The following ZNF705G variants were observed in gnomAD, a reference collection of about 807,000 sequenced individuals.
ZNF705G encodes putative zinc finger protein 705G.
ZNF705G carries 23 observed loss-of-function variants against 19.6 expected under a neutral mutation model. The observed-to-expected ratio is 1.17, with a 90% CI of 0.84 to 1.66. ZNF705G has a LOEUF of 1.66. Among genes scored for constraint, ZNF705G ranks in the 40% most tolerant of loss-of-function variants. The pLI is 0.00. For synonymous variants in ZNF705G, 146 were observed against 117.7 expected, an observed-to-expected ratio of 1.24 and a Z score of -1.56; for missense variants, 457 against 354.4, an observed-to-expected ratio of 1.29 and a Z score of -2.32.
At chr8:7,366,075 G>T (rs1261853392) in intron 2 of ZNF705G, among the ~76,000 whole-genome samples, 3 of 149,410 alleles carry the variant, frequency 2.0e-5, no homozygotes, top group Admixed American at 2.0e-4. Context: ...GAAAAGCAAA[G>T]ATCACCACAG....
chr8:7,371,485 AAAT>A (rs1288912811), intron 2 of ZNF705G, among the ~76,000 whole-genome samples: 3 of 112,154 alleles, frequency 2.7e-5, no homozygotes, highest in African/African-American at 1.0e-4. Context: ...CTTACCAAAA[AAAT>A]AATAATAATA....
Position 7,357,564 on chromosome 8 carries a change from T to C in ZNF705G, c.*412A>G. ...TTAAGTTATAGCTGTTGCTGAAGAC[T>C]TTTAGTTGATTATATTGACAGTTTC... On this transcript the variant is annotated 3_prime_UTR_variant, in exon 7 of 7. Coordinates refer to ENST00000400156, the MANE Select transcript of ZNF705G (RefSeq NM_001164457.3). 7.7e-6 allele frequency: 2 copies of C among 259,970 alleles called. No homozygotes were observed. The highest frequency in any genetic ancestry group is 1.4e-5 in the Non-Finnish European group (2 of 141,734). The allele number at this position is 259,970 out of a possible 1,614,324, so 16.1% of individuals were successfully genotyped here. A position where few individuals can be genotyped will look rare whatever the true frequency, so the allele number is the denominator to read the frequency against.
chr8:7,379,702 G>A (rs2128847228), intron 2 of ZNF705G, among the ~76,000 whole-genome samples: 1 of 147,392 alleles, frequency 6.8e-6, no homozygotes, highest in South Asian at 2.1e-4. Flanking sequence ...TATTCCCACT[G>A]TGGACACTGC....
chr8:7,383,124 G>GTTT (rs1807574182), intron 1 of ZNF705G, among the ~76,000 whole-genome samples: 3 of 101,362 alleles, frequency 3.0e-5, no homozygotes, highest in African/African-American at 8.0e-5. Flanking sequence ...TTCAATGTTT[G>GTTT]ATTTTTTTTT....
chr8:7,366,225 A>G (rs201598225), intron 2 of ZNF705G, among the ~76,000 whole-genome samples: 102 of 62,186 alleles, frequency 1.6e-3, no homozygotes, highest in South Asian at 5.6e-3. Context: ...TTATCTTGAC[A>G]GGATTGCAAG....
chr8:7,358,397 G>A lies in ZNF705G; in HGVS notation c.482C>T (p.Pro161Leu), dbSNP rs1420445335. 1 of 1,607,472 alleles carries A rather than the reference G, an allele frequency of 6.2e-7. No homozygotes were observed. Among genetic ancestry groups the A allele is most frequent in the Non-Finnish European group, 8.5e-7 (1 of 1,179,586 alleles). The change falls in exon 7 of 7, where the codon CCA becomes CTA. Residue 161 changes from proline (P) to leucine (L), a missense_variant. Pro to Leu is a moderately conservative substitution (Grantham distance 98). Transcript: ENST00000400156. ...ACCTTTAGTATGAATTTGTTTATGT[G>A]GTTCAGTGGACAAAAGATTACGAAG... ...KSLRNLLSTEPHKQIHTKGKS... is the reference protein window; with the variant it reads ...KSLRNLLSTELHKQIHTKGKS...
rs997299368 is a variant in ZNF705G, at chr8:7,355,740, A to G, written c.*2236T>C. The stretch of plus-strand genomic sequence containing the variant: ...GTACATCTTAATGTGGTTCAGGAGT[A>G]CATATAATGTCAGTCACAGTTTGTG... On this transcript the variant is annotated 3_prime_UTR_variant, in exon 7 of 7. Coordinates refer to ENST00000400156, the MANE Select transcript of ZNF705G (RefSeq NM_001164457.3). 1.0e-4 allele frequency: 15 copies of G among 149,684 alleles called. 2 individuals are homozygous for G. The highest frequency in any genetic ancestry group is 3.6e-4 in the African/African-American group (14 of 39,058). The allele number at this position is 149,684 out of a possible 1,614,324, so 9.3% of individuals were successfully genotyped here. A position where few individuals can be genotyped will look rare whatever the true frequency, so the allele number is the denominator to read the frequency against.
At chr8:7,361,021 G>A in intron 4 of ZNF705G, 89 bp downstream of exon 4, 2 of 1,586,708 alleles carry the variant, frequency 1.3e-6, no homozygotes, top group Non-Finnish European at 1.7e-6. Flanking sequence ...GAAGAGATTA[G>A]AGTGAGATAT....
At position 7,380,058 on chromosome 8, in the gene ZNF705G, C is replaced by T. The variant is rs1244228404; in HGVS notation, c.-72+1394G>A. On this transcript the variant is annotated intron_variant, in intron 2 of 6. Coordinates refer to ENST00000400156, the MANE Select transcript of ZNF705G (RefSeq NM_001164457.3). The stretch of plus-strand genomic sequence containing the variant: ...TCTAGCCTACACAGTGTCCTACACT[C>T]CAGGGAACTGGCAGTGCCATTCACT... Among the ~76,000 whole-genome samples, 2 of 142,988 alleles carry T rather than the reference C, an allele frequency of 1.4e-5. 1 individual carries two copies. Among genetic ancestry groups the T allele is most frequent in the African/African-American group, 6.0e-5 (2 of 33,410 alleles). The allele number at this position is 142,988 out of a possible 152,430, so 93.8% of individuals were successfully genotyped here.
At chr8:7,367,797 C>A (rs1423737815) in intron 2 of ZNF705G, among the ~76,000 whole-genome samples, 4 of 149,716 alleles carry the variant, frequency 2.7e-5, no homozygotes, top group Non-Finnish European at 5.9e-5. Context: ...GCCCTTCGGT[C>A]GAATTCTTTC....
chr8:7,370,478 C>T (rs1807054833), intron 2 of ZNF705G, among the ~76,000 whole-genome samples: 1 of 149,312 alleles, frequency 6.7e-6, no homozygotes, highest in South Asian at 2.1e-4. Flanking sequence ...AAAGATAACC[C>T]TTGTATACTT....
At chr8:7,365,552 A>G (rs552570806) in intron 2 of ZNF705G, among the ~76,000 whole-genome samples, 2 of 148,862 alleles carry the variant, frequency 1.3e-5, no homozygotes, top group African/African-American at 2.6e-5. Flanking sequence ...CTAATTTTGT[A>G]CTAGACGTGG....
intron 2 of ZNF705G, among the ~76,000 whole-genome samples, chr8:7,366,659 C>A (rs1377567064): frequency 2.0e-5 from 3 of 149,408 alleles, no homozygotes; most frequent in East Asian, 1.9e-4. Flanking sequence ...ATTTGCTGTA[C>A]GTTATTTTTA....
intron 3 of ZNF705G, 48 bp from the exon 4 acceptor site, chr8:7,361,284 T>A (rs766954485): frequency 1.9e-6 from 3 of 1,592,182 alleles, no homozygotes; most frequent in African/African-American, 2.8e-5. Flanking sequence ...TTCCTTTCAA[T>A]GTCCGGAAGA....
Position 7,361,101 on chromosome 8 carries a change from G to A in ZNF705G, c.139+9C>T, listed in dbSNP as rs763260106. ...CTCTACATATGTACATGAATGTTCA[G>A]GGACTCACCGAGGGACACCAGGTGA... On this transcript the variant is annotated intron_variant, in intron 4 of 6. Coordinates refer to ENST00000400156, the MANE Select transcript of ZNF705G (RefSeq NM_001164457.3). The A allele has an allele frequency of 2.5e-6, 4 of 1,592,572 alleles. No individual in the cohort carries two copies. Among genetic ancestry groups the A allele is most frequent in the South Asian group, 1.1e-5 (1 of 90,696 alleles).
chr8:7,383,428 C>G (rs1264931774), intron 1 of ZNF705G, among the ~76,000 whole-genome samples: 6 of 146,586 alleles, frequency 4.1e-5, no homozygotes, highest in Admixed American at 3.3e-4. Flanking sequence ...TGTCTGATTA[C>G]CTTACTTCCT....
At chr8:7,380,245 T>C (rs1807428473) in intron 2 of ZNF705G, among the ~76,000 whole-genome samples, 1 of 144,846 alleles carries the variant, frequency 6.9e-6, no homozygotes, top group Non-Finnish European at 1.5e-5. Flanking sequence ...CTCACCTGCC[T>C]GAGCACTATT....
In ZNF705G at chr8:7,357,656, C is replaced by A. The variant is rs1173115483; in HGVS notation, c.*320G>T. On this transcript the variant is annotated 3_prime_UTR_variant, in exon 7 of 7. Coordinates refer to ENST00000400156, the MANE Select transcript of ZNF705G (RefSeq NM_001164457.3). ...TTGGTACATACATGTCATACAATTT[C>A]TCTTCCATATGAATTTATTGATGTG... The A allele has an allele frequency of 2.5e-5, 12 of 474,900 alleles. No homozygotes were observed. The highest frequency in any genetic ancestry group is 5.2e-5 in the South Asian group (2 of 38,444). The allele number at this position is 474,900 out of a possible 1,614,324, so 29.4% of individuals were successfully genotyped here.
chr8:7,378,952 G>T (rs1168797811), intron 2 of ZNF705G, among the ~76,000 whole-genome samples: 1 of 148,582 alleles, frequency 6.7e-6, no homozygotes, highest in African/African-American at 2.6e-5. Flanking sequence ...ACATTATTCT[G>T]CCTACAACAG....
Sources: gnomAD v4.1 joint callset for allele counts (sites outside exome capture counted in the v4.1 genomes callset) on GRCh38, gnomAD v4.1.1 for gene constraint, MANE v1.5 for transcripts, NCBI Gene and HGNC (gene_info 2026-07-23, HGNC 2026-07-21) for gene names.